The following DNAH14 variants were observed in gnomAD, a reference collection of about 807,000 sequenced individuals.
The protein encoded by DNAH14 is dynein axonemal heavy chain 14.
Under a neutral mutation model 520.9 loss-of-function variants are expected in DNAH14, and 478 were observed. The ratio of observed to expected loss-of-function variants is 0.92; its 90% confidence interval spans 0.85 to 0.99. The LOEUF (loss-of-function observed/expected upper bound fraction) is 0.99, where lower values mean the gene tolerates loss of function less well. Ranked by LOEUF, DNAH14 falls within the 50% of genes least tolerant of loss-of-function variation. DNAH14 has a pLI of 0.00. For synonymous variants in DNAH14, 1,581 were observed against 1,757.2 expected (o/e 0.90, Z 2.51); for missense variants, 4,831 against 5,234.5 (o/e 0.92, Z 2.38).
At chr1:225,189,830 T>G (rs76029861) in intron 37 of DNAH14, among the ~76,000 whole-genome samples, 8,898 of 152,118 alleles carry the variant, frequency 0.058, 484 homozygotes, top group East Asian at 0.23. Context: ...GCGATTTTAT[T>G]CTATGTCTTG....
intron 10 of DNAH14, among the ~76,000 whole-genome samples, chr1:225,010,993 T>C (rs1426064766): frequency 6.6e-6 from 1 of 152,148 alleles, no homozygotes; most frequent in Non-Finnish European, 1.5e-5. Flanking sequence ...TCTTTTCTTC[T>C]TTATCAGTCT....
rs150435475 is a variant in DNAH14 at position 224,980,552 on chromosome 1, G to A, written c.830+6399G>A. On this transcript the variant is annotated intron_variant, in intron 8 of 85. Coordinates refer to ENST00000682510, the MANE Select transcript of DNAH14 (RefSeq NM_001367479.1). ...CTCTGGACCTATCCAGGGCCTGGGGGATCTCACTGCCATTAAGGGAAGGAT... is the reference window on the plus strand; with the variant it reads ...CTCTGGACCTATCCAGGGCCTGGGGAATCTCACTGCCATTAAGGGAAGGAT... 2.0e-3 allele frequency among the ~76,000 whole-genome samples: 304 copies of A among 152,304 alleles called. 1 individual carries two copies. Among genetic ancestry groups the A allele is most frequent in the African/African-American group, 6.4e-3 (268 of 41,562 alleles).
At chr1:224,972,036 C>T (rs1166732242) in intron 7 of DNAH14, among the ~76,000 whole-genome samples, 2 of 152,092 alleles carry the variant, frequency 1.3e-5, no homozygotes, top group Admixed American at 1.3e-4. Flanking sequence ...CCACTGTTGT[C>T]CTTGCCTTCT....
At chr1:225,234,859 T>A (rs1487625724) in intron 42 of DNAH14, among the ~76,000 whole-genome samples, 2 of 152,126 alleles carry the variant, frequency 1.3e-5, no homozygotes, top group Non-Finnish European at 2.9e-5. Flanking sequence ...CTGTTGTTGG[T>A]GTATAAGAAT....
At chr1:225,105,480 G>A (rs1206345768) in intron 23 of DNAH14, among the ~76,000 whole-genome samples, 1 of 152,204 alleles carries the variant, frequency 6.6e-6, no homozygotes. Context: ...AATGTTGACA[G>A]TGGGGTATTA....
intron 12 of DNAH14, among the ~76,000 whole-genome samples, chr1:225,041,564 G>T (rs574294664): frequency 6.6e-6 from 1 of 152,162 alleles, no homozygotes; most frequent in Non-Finnish European, 1.5e-5. Context: ...CCACATGCTA[G>T]CAATATAGCC....
chr1:225,150,474 G>A (rs572525671), intron 31 of DNAH14, among the ~76,000 whole-genome samples: 1 of 152,244 alleles, frequency 6.6e-6, no homozygotes, highest in African/African-American at 2.4e-5. Flanking sequence ...AATGGTACCA[G>A]CCAGCTCTTC....
chr1:224,929,671 C>G (rs535055095), upstream of DNAH14: 327 of 702,466 alleles, frequency 4.7e-4, no homozygotes, highest in Non-Finnish European at 7.4e-4. Flanking sequence ...AGGCGTGGCT[C>G]TTGGTCAGGC....
intron 35 of DNAH14, 84 bp from the exon 36 acceptor site, chr1:225,167,855 C>A: frequency 1.4e-6 from 1 of 701,826 alleles, no homozygotes; most frequent in Non-Finnish European, 2.2e-6. Context: ...TAATTGGTAC[C>A]TAGTTAAGAG....
intron 8 of DNAH14, among the ~76,000 whole-genome samples, chr1:224,980,208 T>G (rs116556666): frequency 0.014 from 2,201 of 152,198 alleles, 21 homozygotes; most frequent in Non-Finnish European, 0.02. Context: ...ATTCCAAGCC[T>G]TGGTTCTTGG....
At position 225,119,302 on chromosome 1, in the gene DNAH14, C is replaced by T; in HGVS notation, c.4166+8C>T. ...GTTCGATGTGCTAAAAAAGTAAGTA[C>T]AATTTTCAAATCCTAAAATTATATA... On this transcript the variant is annotated splice_region_variant and intron_variant, in intron 26 of 85. Coordinates refer to ENST00000682510, the MANE Select transcript of DNAH14 (RefSeq NM_001367479.1). The T allele has an allele frequency of 2.0e-6, 3 of 1,501,046 alleles. No homozygotes were observed. Among genetic ancestry groups the T allele is most frequent in the Non-Finnish European group, 2.7e-6 (3 of 1,120,828 alleles). 93.0% of individuals were successfully genotyped at this position (1,501,046 alleles called of 1,614,324 possible).
intron 37 of DNAH14, among the ~76,000 whole-genome samples, chr1:225,186,045 T>A (rs2084686475): frequency 6.6e-6 from 1 of 151,554 alleles, no homozygotes; most frequent in Non-Finnish European, 1.5e-5. Context: ...TATGTTGATT[T>A]ATTAATGTTA....
intron 46 of DNAH14, among the ~76,000 whole-genome samples, chr1:225,260,170 G>A (rs2092884382): frequency 6.6e-6 from 1 of 151,964 alleles, no homozygotes; most frequent in Admixed American, 6.6e-5. Flanking sequence ...GACCAACATG[G>A]TGAAACCCTG....
Position 224,967,433 on chromosome 1 carries a change from A to G in DNAH14, c.501A>G (p.Lys167=). The change falls in exon 6 of 86, where the codon AAA becomes AAG. Residue 167 remains lysine, a splice_region_variant and synonymous_variant. Transcript: ENST00000682510. ...TATTATTTTTTTTTTAATCTCAGAA[A>G]CCTTTGGAAGATGATGGAGAATTTG... ...KIAIQKITLK[K]PLEDDGEFVY... 1 of 1,529,374 alleles carries G rather than the reference A, an allele frequency of 6.5e-7. No individual in the cohort carries two copies. Among genetic ancestry groups the G allele is most frequent in the Non-Finnish European group, 8.7e-7 (1 of 1,147,636 alleles). 94.7% of individuals were successfully genotyped at this position (1,529,374 alleles called of 1,614,324 possible).
At chr1:225,261,142 C>T (rs2092921259) in intron 46 of DNAH14, among the ~76,000 whole-genome samples, 1 of 152,102 alleles carries the variant, frequency 6.6e-6, no homozygotes, top group African/African-American at 2.4e-5. Flanking sequence ...TCTTTCCTTG[C>T]CTAATTGCTC....
intron 17 of DNAH14, among the ~76,000 whole-genome samples, chr1:225,067,308 A>G (rs1012328525): frequency 3.3e-5 from 5 of 152,250 alleles, no homozygotes; most frequent in Middle Eastern, 3.4e-3. Context: ...CATTCTTTTT[A>G]TGGCTGCATA....
chr1:225,203,994 C>T (rs955357778), intron 38 of DNAH14, among the ~76,000 whole-genome samples, 189 bp from the exon 39 acceptor site: 3 of 151,998 alleles, frequency 2.0e-5, no homozygotes, highest in Non-Finnish European at 4.4e-5. Context: ...AATAGTTTTC[C>T]AAAGTAAATA....
intron 23 of DNAH14, among the ~76,000 whole-genome samples, chr1:225,105,362 G>C (rs1019820012): frequency 4.6e-5 from 7 of 152,168 alleles, no homozygotes; most frequent in Non-Finnish European, 1.0e-4. Flanking sequence ...TGTATATTCT[G>C]TTGATTTGGG....
At chr1:225,333,690 A>G (rs1487773441) in intron 66 of DNAH14, among the ~76,000 whole-genome samples, 184 bp downstream of exon 66, 1 of 152,180 alleles carries the variant, frequency 6.6e-6, no homozygotes, top group Non-Finnish European at 1.5e-5. Flanking sequence ...AATAAGTTAT[A>G]TCTCTCCTGT....
Sources: gnomAD v4.1 joint callset for allele counts (sites outside exome capture counted in the v4.1 genomes callset) on GRCh38, gnomAD v4.1.1 for gene constraint, MANE v1.5 for transcripts, NCBI Gene and HGNC (gene_info 2026-07-23, HGNC 2026-07-21) for gene names.